The following KLHL1 variants were observed in gnomAD, a reference collection of about 807,000 sequenced individuals.
KLHL1 encodes the protein kelch-like protein 1.
In KLHL1, 47 loss-of-function variants were observed where a neutral mutation model predicts 77.7. That is an observed-to-expected ratio of 0.60 (90% CI 0.48 to 0.77). KLHL1 has a LOEUF of 0.77. Ranked by LOEUF, KLHL1 falls within the 30% of genes least tolerant of loss-of-function variation. The pLI, the probability that KLHL1 is intolerant of heterozygous loss-of-function variation, is 0.00. For missense variants in KLHL1, 925 were observed against 910.8 expected (o/e 1.02, Z -0.20); for synonymous variants, 360 against 325.2 (o/e 1.11, Z -1.15).
At chr13:70,013,647 C>T (rs1043402361) in intron 1 of KLHL1, among the ~76,000 whole-genome samples, 1 of 151,898 alleles carries the variant, frequency 6.6e-6, no homozygotes, top group African/African-American at 2.4e-5. Context: ...CTTAGAATTG[C>T]TTAATAAAAA....
intron 1 of KLHL1, among the ~76,000 whole-genome samples, chr13:70,101,305 A>C (rs1887914797): frequency 6.6e-6 from 1 of 152,146 alleles, no homozygotes. Flanking sequence ...TAATTTAAAA[A>C]TTCCTATTGC....
chr13:69,719,663 T>C lies in KLHL1; in HGVS notation c.1803-82A>G, dbSNP rs992067399. The C allele has an allele frequency of 1.1e-5, 12 of 1,071,962 alleles. No individual in the cohort carries two copies. In the African/African-American group the frequency reaches 1.9e-4, roughly 17 times the overall value. 66.4% of individuals were successfully genotyped at this position (1,071,962 alleles called of 1,614,324 possible). A position where few individuals can be genotyped will look rare whatever the true frequency, so the allele number is the denominator to read the frequency against. On this transcript the variant is annotated intron_variant, in intron 8 of 10. Transcript: ENST00000377844. ...AGAAAAGGTCCTTTAAAATAAATTT[T>C]CACAGTATGAGGCTCAAACGTGTTG...
intron 8 of KLHL1, among the ~76,000 whole-genome samples, chr13:69,727,616 A>G (rs567778664): frequency 2.4e-4 from 36 of 152,264 alleles, no homozygotes; most frequent in Admixed American, 2.1e-3. Context: ...GTATTCTAGA[A>G]TGAAGAACCT....
chr13:69,945,440 C>A (rs1409972681), intron 3 of KLHL1, among the ~76,000 whole-genome samples: 9 of 150,390 alleles, frequency 6.0e-5, no homozygotes, highest in Admixed American at 4.6e-4. Flanking sequence ...CAGAATGAGA[C>A]CCTGCCTCTA....
intron 5 of KLHL1, among the ~76,000 whole-genome samples, chr13:69,842,759 A>G (rs1434964050): frequency 6.6e-6 from 1 of 151,928 alleles, no homozygotes; most frequent in Non-Finnish European, 1.5e-5. Flanking sequence ...AGCACTATTT[A>G]TAATAGCAAA....
intron 7 of KLHL1, among the ~76,000 whole-genome samples, chr13:69,782,296 G>A (rs1044315838): frequency 1.3e-5 from 2 of 152,220 alleles, no homozygotes; most frequent in Non-Finnish European, 2.9e-5. Context: ...TCTCACTAGG[G>A]AGTGCCAGAC....
chr13:69,994,569 C>G (rs1885103916), intron 1 of KLHL1, among the ~76,000 whole-genome samples: 1 of 152,068 alleles, frequency 6.6e-6, no homozygotes, highest in African/African-American at 2.4e-5. Flanking sequence ...AGATATATCA[C>G]ACATCAAATA....
intron 2 of KLHL1, among the ~76,000 whole-genome samples, chr13:69,968,019 C>T (rs1884268649): frequency 6.6e-6 from 1 of 151,908 alleles, no homozygotes; most frequent in Admixed American, 6.6e-5. Context: ...AAACAGCATC[C>T]CATGCTATAT....
chr13:70,100,185 ATT>A (rs764937937), intron 1 of KLHL1, among the ~76,000 whole-genome samples: 9,929 of 151,778 alleles, frequency 0.065, 559 homozygotes, highest in East Asian at 0.32. Flanking sequence ...ATATATTCAT[ATT>A]TCTTCATTAT....
At chr13:69,955,604 G>A (rs146844330) in intron 3 of KLHL1, among the ~76,000 whole-genome samples, 1,558 of 151,178 alleles carry the variant, frequency 0.01, 26 homozygotes, top group African/African-American at 0.035. Context: ...TGAACACAGT[G>A]TATTTTCAAG....
At chr13:69,746,600 G>T (rs7999541) in intron 7 of KLHL1, among the ~76,000 whole-genome samples, 1 of 151,434 alleles carries the variant, frequency 6.6e-6, no homozygotes, top group Non-Finnish European at 1.5e-5. Flanking sequence ...TGTTTAATCA[G>T]TTTTTTTTCT....
intron 3 of KLHL1, among the ~76,000 whole-genome samples, chr13:69,956,017 G>C (rs1262571162): frequency 1.2e-5 from 1 of 86,412 alleles, no homozygotes; most frequent in Non-Finnish European, 2.3e-5. Flanking sequence ...ATATATATTT[G>C]ATATATATTT....
chr13:69,880,428 G>A (rs1003680699), intron 5 of KLHL1, among the ~76,000 whole-genome samples: 5 of 152,184 alleles, frequency 3.3e-5, no homozygotes, highest in Admixed American at 3.3e-4. Context: ...CCAGTTTGAA[G>A]GATGAGGAAT....
intron 7 of KLHL1, among the ~76,000 whole-genome samples, chr13:69,785,373 A>C (rs931684761): frequency 2.6e-5 from 4 of 152,174 alleles, no homozygotes; most frequent in African/African-American, 9.7e-5. Flanking sequence ...ACTCAACTAC[A>C]TGGAAACTGA....
At chr13:70,067,634 G>GACAACAACAACA (rs3072584) in intron 1 of KLHL1, among the ~76,000 whole-genome samples, 46 of 151,044 alleles carry the variant, frequency 3.0e-4, no homozygotes, top group African/African-American at 1.0e-3. Flanking sequence ...GACATATTTT[G>GACAACAACAACA]ACAACAACAA....
intron 1 of KLHL1, among the ~76,000 whole-genome samples, chr13:70,103,366 A>T (rs187821175): frequency 2.0e-3 from 307 of 152,290 alleles, no homozygotes; most frequent in African/African-American, 7.0e-3. Flanking sequence ...ACAGATTGTC[A>T]TCAGTTGGCG....
intron 5 of KLHL1, among the ~76,000 whole-genome samples, chr13:69,874,554 T>G (rs572880362): frequency 3.9e-5 from 6 of 152,174 alleles, no homozygotes; most frequent in Non-Finnish European, 7.4e-5. Flanking sequence ...TTCACAATAT[T>G]TCTTTTACTT....
intron 2 of KLHL1, among the ~76,000 whole-genome samples, chr13:69,968,553 AAG>A (rs1884287868): frequency 2.0e-5 from 3 of 151,536 alleles, no homozygotes; most frequent in African/African-American, 7.3e-5. Flanking sequence ...AAAAAAAAAA[AAG>A]AAATTGAAGG....
chr13:70,002,439 G>T (rs1290112208), intron 1 of KLHL1, among the ~76,000 whole-genome samples: 1 of 151,452 alleles, frequency 6.6e-6, no homozygotes, highest in Admixed American at 6.6e-5. Context: ...TTTTTTAAAT[G>T]AACGGAGCCT....
Sources: allele counts gnomAD v4.1 joint callset (sites outside exome capture counted in the v4.1 genomes callset), GRCh38; gene constraint gnomAD v4.1.1; transcripts MANE v1.5; gene names NCBI Gene and HGNC (gene_info 2026-07-23, HGNC 2026-07-21).